The following MCC variants were observed in gnomAD, a reference collection of about 807,000 sequenced individuals.
MCC encodes colorectal mutant cancer protein.
A neutral mutation model predicts 116.2 loss-of-function variants in MCC; 90 were observed. The ratio of observed to expected loss-of-function variants is 0.77; its 90% CI spans 0.65 to 0.92. The LOEUF (loss-of-function observed/expected upper bound fraction) is 0.92, where lower values mean the gene tolerates loss of function less well. Ranked by LOEUF, MCC falls within the 40% of genes least tolerant of loss-of-function variation. The probability of loss-of-function intolerance (pLI) is 0.00; values close to 1 mark genes in which losing one functional copy is unlikely to be tolerated. For synonymous variants in MCC, 578 were observed against 510.5 expected (o/e 1.13, Z -1.78); for missense variants, 1,516 against 1,312.2 (o/e 1.16, Z -2.40).
chr5:113,484,940 G>T lies in MCC; in HGVS notation c.170+3305C>A, dbSNP rs1384833156. Among the ~76,000 whole-genome samples, 6 of 152,152 alleles carry T rather than the reference G, an allele frequency of 3.9e-5. 1 individual carries two copies. Among genetic ancestry groups the T allele is most frequent in the African/African-American group, 1.4e-4 (6 of 41,434 alleles). On this transcript the variant is annotated intron_variant, in intron 1 of 18. Coordinates refer to ENST00000408903, the MANE Select transcript of MCC (RefSeq NM_001085377.2). Reference sequence around the variant, plus strand: ...AAATGCACTGAAAGAGCTTACGGTGGTCTCACTCTGCTGCCCAAATCCAGC... The same window carrying T: ...AAATGCACTGAAAGAGCTTACGGTGTTCTCACTCTGCTGCCCAAATCCAGC...
At chr5:113,229,578 T>C (rs1763866781) in intron 3 of MCC, among the ~76,000 whole-genome samples, 3 of 152,168 alleles carry the variant, frequency 2.0e-5, no homozygotes, top group Admixed American at 2.0e-4. Context: ...ATACAATCAC[T>C]CCGGCAAGTG....
chr5:113,283,080 G>T (rs1246155978), intron 3 of MCC, among the ~76,000 whole-genome samples: 2 of 152,268 alleles, frequency 1.3e-5, no homozygotes, highest in Non-Finnish European at 2.9e-5. Context: ...CAAAGCATCA[G>T]AATGCTTCTT....
intron 1 of MCC, among the ~76,000 whole-genome samples, chr5:113,472,938 C>G (rs898872986): frequency 2.6e-5 from 4 of 152,148 alleles, no homozygotes; most frequent in African/African-American, 9.7e-5. Context: ...TTCATTCATT[C>G]AATGTTGCTT....
At chr5:113,270,464 T>C (rs536820023) in intron 3 of MCC, among the ~76,000 whole-genome samples, 4 of 151,140 alleles carry the variant, frequency 2.6e-5, no homozygotes, top group Non-Finnish European at 4.4e-5. Flanking sequence ...AAGAGAACCA[T>C]ACAAAATAAA....
chr5:113,027,504 T>C (rs778135487), intron 18 of MCC, 22 bp from the exon 19 acceptor site: 37 of 1,612,442 alleles, frequency 2.3e-5, no homozygotes, highest in East Asian at 4.5e-5. Flanking sequence ...TGAAGGGAAA[T>C]TGGTATTAAG....
At chr5:113,037,526 C>G (rs1034434364) in intron 17 of MCC, among the ~76,000 whole-genome samples, 3 of 152,132 alleles carry the variant, frequency 2.0e-5, no homozygotes, top group Admixed American at 2.0e-4. Context: ...AATCCTGTCT[C>G]TACTAAAAAT....
chr5:113,131,721 G>A (rs1309131273), intron 5 of MCC, among the ~76,000 whole-genome samples: 1 of 152,100 alleles, frequency 6.6e-6, no homozygotes, highest in African/African-American at 2.4e-5. Flanking sequence ...GAGGGAGAAA[G>A]GTTCCCACCT....
chr5:113,345,826 A>C (rs1209776076), intron 2 of MCC, among the ~76,000 whole-genome samples: 4 of 152,256 alleles, frequency 2.6e-5, no homozygotes, highest in Non-Finnish European at 1.5e-5. Flanking sequence ...CCAGACACTG[A>C]ATAACATCTA....
At chr5:113,263,230 G>C (rs74635961) in intron 3 of MCC, among the ~76,000 whole-genome samples, 3,828 of 152,244 alleles carry the variant, frequency 0.025, 168 homozygotes, top group African/African-American at 0.087. Context: ...TTTCAAACTT[G>C]ACTAGCTATT....
At chr5:113,226,834 T>C (rs1464673474) in intron 3 of MCC, among the ~76,000 whole-genome samples, 1 of 152,192 alleles carries the variant, frequency 6.6e-6, no homozygotes, top group East Asian at 1.9e-4. Flanking sequence ...CCTTATAAGA[T>C]AGTCTTGACT....
At chr5:113,060,665 T>A (rs1753152625) in intron 14 of MCC, among the ~76,000 whole-genome samples, 1 of 152,226 alleles carries the variant, frequency 6.6e-6, no homozygotes, top group Non-Finnish European at 1.5e-5. Context: ...ATCAAGAAGT[T>A]AGATCTCACT....
chr5:113,346,633 CAAA>C (rs201595859), intron 2 of MCC, among the ~76,000 whole-genome samples: 22,915 of 89,538 alleles, frequency 0.26, 2,081 homozygotes, highest in Admixed American at 0.39. Context: ...ACAACAACAA[CAAA>C]AAAAACAACA....
At chr5:113,171,886 G>A (rs144776895) in intron 3 of MCC, among the ~76,000 whole-genome samples, 9 of 152,248 alleles carry the variant, frequency 5.9e-5, no homozygotes, top group Non-Finnish European at 1.2e-4. Context: ...CCCTACATAA[G>A]GAAGGCTCTC....
At chr5:113,192,204 C>T (rs958548566) in intron 3 of MCC, among the ~76,000 whole-genome samples, 4 of 152,184 alleles carry the variant, frequency 2.6e-5, no homozygotes, top group Non-Finnish European at 4.4e-5. Context: ...CTGAGAGTAA[C>T]CAAAGACAAT....
chr5:113,133,774 T>C (rs929096144), intron 5 of MCC, among the ~76,000 whole-genome samples: 1 of 152,216 alleles, frequency 6.6e-6, no homozygotes, highest in African/African-American at 2.4e-5. Context: ...TTCTTACATA[T>C]CCTTGCCAGC....
At chr5:113,426,371 G>C (rs756678357) in intron 1 of MCC, among the ~76,000 whole-genome samples, 2 of 152,166 alleles carry the variant, frequency 1.3e-5, no homozygotes, top group African/African-American at 4.8e-5. Flanking sequence ...ATGTCTGTTA[G>C]TCCAAGACTG....
chr5:113,217,978 T>C (rs1186708181), intron 3 of MCC, among the ~76,000 whole-genome samples: 1 of 151,954 alleles, frequency 6.6e-6, no homozygotes, highest in Non-Finnish European at 1.5e-5. Flanking sequence ...TCTCAGTATT[T>C]TCTGCAGTTT....
intron 1 of MCC, among the ~76,000 whole-genome samples, chr5:113,474,810 G>A (rs1772194434): frequency 6.6e-6 from 1 of 152,064 alleles, no homozygotes; most frequent in Non-Finnish European, 1.5e-5. Context: ...TTTCAGAAGA[G>A]GAAACACCTC....
At chr5:113,373,402 T>C (rs549810437) in intron 2 of MCC, among the ~76,000 whole-genome samples, 1 of 152,176 alleles carries the variant, frequency 6.6e-6, no homozygotes. Flanking sequence ...AGTTCAAATA[T>C]ACCTAATACA....
Sources: gnomAD v4.1 joint callset for allele counts (sites outside exome capture counted in the v4.1 genomes callset) on GRCh38, gnomAD v4.1.1 for gene constraint, MANE v1.5 for transcripts, NCBI Gene and HGNC (gene_info 2026-07-23, HGNC 2026-07-21) for gene names.